LYG2: variants seen among roughly 807,000 people sequenced by gnomAD.
LYG2 encodes the protein lysozyme g-like protein 2.
A neutral mutation model predicts 22.4 loss-of-function variants in LYG2; 25 were observed. The ratio of observed to expected loss-of-function variants is 1.12; its 90% CI spans 0.81 to 1.56. LYG2 has a LOEUF of 1.56. LYG2 is among the 40% of genes most tolerant of loss of function. The probability of loss-of-function intolerance (pLI) is 0.00; values close to 1 mark genes in which losing one functional copy is unlikely to be tolerated. For synonymous variants in LYG2, 88 were observed against 97.0 expected (o/e 0.91, Z 0.55); for missense variants, 266 against 269.5 (o/e 0.99, Z 0.09).
In LYG2 at chr2:99,245,384, C is replaced by T; in HGVS notation, c.259G>A (p.Val87Ile). 1 of 1,613,266 alleles carries T rather than the reference C, an allele frequency of 6.2e-7. No homozygotes were observed. Among genetic ancestry groups the T allele is most frequent in the East Asian group, 2.2e-5 (1 of 44,802 alleles). Residue 87 changes from valine to isoleucine, a missense_variant, in exon 5 of 7, where the codon GTC (valine) becomes ATC (isoleucine). By Grantham distance (29) the Val-to-Ile change is conservative (BLOSUM62 3). Coordinates refer to ENST00000333017, the MANE Select transcript of LYG2 (RefSeq NM_175735.4). ...IKPYQTLIKE[V>I]GQRHCVDPAV... Reference sequence around the variant, plus strand: ...GGGTCCACGCAATGTCTCTGCCCGACTTCTTTGATCAGAGTCTGGTAAGGT... The same window carrying T: ...GGGTCCACGCAATGTCTCTGCCCGATTTCTTTGATCAGAGTCTGGTAAGGT...
intron 3 of LYG2, among the ~76,000 whole-genome samples, chr2:99,250,941 G>A (rs965111989): frequency 1.3e-5 from 2 of 152,210 alleles, no homozygotes; most frequent in African/African-American, 2.4e-5. Flanking sequence ...ATATACTCCT[G>A]TAAAATTCTC....
At chr2:99,249,169 C>T (rs548349506) in intron 3 of LYG2, among the ~76,000 whole-genome samples, 2 of 152,262 alleles carry the variant, frequency 1.3e-5, no homozygotes, top group South Asian at 4.1e-4. Flanking sequence ...GCCTAGAATC[C>T]CAGCACTTTG....
chr2:99,260,867 G>A, the LYG2 span, among the ~76,000 whole-genome samples: 6 of 152,192 alleles, frequency 3.9e-5, no homozygotes, highest in African/African-American at 2.4e-5. Context: ...AGAAAACTGA[G>A]GGAGTTATCT....
At position 99,245,420 on chromosome 2, in the gene LYG2, T is replaced by C. The variant is rs776951028; in HGVS notation, c.223A>G (p.Arg75Gly). 2.5e-6 allele frequency: 4 copies of C among 1,610,652 alleles called. No individual in the cohort carries two copies. Among genetic ancestry groups the C allele is most frequent in the Non-Finnish European group, 3.4e-6 (4 of 1,178,348 alleles). ...AGAGTCTGGTAAGGTTTTATGGCCC[T>C]CAAATCCATCTCAGCAAACATTTCA... ...GSEMFAEMDL[R>G]AIKPYQTLIK... The change falls in exon 5 of 7, where the codon AGG (arginine) becomes GGG (glycine). Residue 75 changes from arginine to glycine, a missense_variant. By Grantham distance (125) the Arg-to-Gly change is moderately radical. Coordinates refer to ENST00000333017, the MANE Select transcript of LYG2 (RefSeq NM_175735.4).
chr2:99,249,920 G>A (rs1046049706), intron 3 of LYG2, among the ~76,000 whole-genome samples: 3 of 151,974 alleles, frequency 2.0e-5, no homozygotes, highest in Non-Finnish European at 4.4e-5. Flanking sequence ...TTAGTAGACG[G>A]AGTGGCCCTG....
the LYG2 span, among the ~76,000 whole-genome samples, chr2:99,260,669 C>G: frequency 6.6e-6 from 1 of 152,116 alleles, no homozygotes. Context: ...TAATCAAATG[C>G]TGTAGAAAAT....
chr2:99,243,327 G>A (rs763138742), intron 6 of LYG2: 20 of 983,744 alleles, frequency 2.0e-5, no homozygotes, highest in Non-Finnish European at 2.7e-5. Context: ...CCATCTGGGA[G>A]ATGCTGAACT....
At chr2:99,243,365 A>G in intron 6 of LYG2, 1 of 1,474,950 alleles carries the variant, frequency 6.8e-7, no homozygotes, top group Non-Finnish European at 9.2e-7. Context: ...AGCCAAGCAG[A>G]GATTTCCACT....
chr2:99,243,316 T>G, intron 6 of LYG2: 1 of 899,204 alleles, frequency 1.1e-6, no homozygotes, highest in Non-Finnish European at 1.7e-6. Flanking sequence ...GTGAGTTAAT[T>G]CCATCTGGGA....
chr2:99,242,981 T>C (rs549053080), intron 6 of LYG2, among the ~76,000 whole-genome samples: 1 of 152,292 alleles, frequency 6.6e-6, no homozygotes, highest in African/African-American at 2.4e-5. Context: ...GAATTTTATC[T>C]CTAGTAGTTA....
At chr2:99,243,720 T>C in intron 6 of LYG2, 2 of 454,554 alleles carry the variant, frequency 4.4e-6, no homozygotes, top group Non-Finnish European at 7.6e-6. Context: ...TTTTTTTTTG[T>C]AGAGACAGGG....
intron 3 of LYG2, 104 bp downstream of exon 3, chr2:99,254,114 C>T (rs756407230): frequency 2.8e-5 from 28 of 989,804 alleles, no homozygotes; most frequent in Non-Finnish European, 4.2e-5. Context: ...AATGAGAGCC[C>T]ACTCTTCCAT....
At chr2:99,248,542 A>G (rs1287068139) in intron 3 of LYG2, among the ~76,000 whole-genome samples, 1 of 143,288 alleles carries the variant, frequency 7.0e-6, no homozygotes, top group Non-Finnish European at 1.5e-5. Context: ...ATGAGAACAC[A>G]TGGACACAGG....
chr2:99,252,194 C>T (rs906761512), intron 3 of LYG2, among the ~76,000 whole-genome samples: 1 of 62,098 alleles, frequency 1.6e-5, no homozygotes, highest in African/African-American at 5.8e-5. Context: ...GCTGGGACTA[C>T]AGGTGCCTGC....
rs746274299 is a variant in LYG2, at chr2:99,244,045, T to C, written c.474A>G (p.Ala158=). 1 of 1,614,066 alleles carries C rather than the reference T, an allele frequency of 6.2e-7. No homozygotes were observed. Among genetic ancestry groups the C allele is most frequent in the South Asian group, 1.1e-5 (1 of 91,032 alleles). Residue 158 remains alanine, a synonymous_variant, in exon 6 of 7, where the codon GCA becomes GCG. Coordinates refer to ENST00000333017, the MANE Select transcript of LYG2 (RefSeq NM_175735.4). ...TCCACGTGGGGAATTTTTTCTGGAT[T>C]GCCTTAATTCTCTCTGTTAGAATCC... is the stretch of plus-strand genomic sequence containing the variant. ...ATGILTERIK[A]IQKKFPTWSV...
upstream of LYG2, among the ~76,000 whole-genome samples, chr2:99,259,972 T>C (rs1309712121): frequency 6.6e-6 from 1 of 150,870 alleles, no homozygotes; most frequent in Non-Finnish European, 1.5e-5. Flanking sequence ...TTTTTTTTTT[T>C]TTTTTTTGAT....
At chr2:99,243,718 T>TTTA in intron 6 of LYG2, 1 of 435,696 alleles carries the variant, frequency 2.3e-6, no homozygotes, top group South Asian at 3.7e-5. Flanking sequence ...TTTTTTTTTT[T>TTTA]GTAGAGACAG....
intron 3 of LYG2, among the ~76,000 whole-genome samples, chr2:99,248,182 C>G (rs1014266990): frequency 3.9e-5 from 6 of 152,134 alleles, no homozygotes; most frequent in Non-Finnish European, 8.8e-5. Context: ...GGCGATTCCT[C>G]AGGGATCTAG....
chr2:99,260,568 G>A (rs2094045399), upstream of LYG2, among the ~76,000 whole-genome samples: 1 of 152,208 alleles, frequency 6.6e-6, no homozygotes, highest in Admixed American at 6.5e-5. Flanking sequence ...CTATACCTGT[G>A]ATGGAGAGAA....
Sources: allele counts gnomAD v4.1 joint callset (sites outside exome capture counted in the v4.1 genomes callset), GRCh38; gene constraint gnomAD v4.1.1; transcripts MANE v1.5; gene names NCBI Gene and HGNC (gene_info 2026-07-23, HGNC 2026-07-21).